SASH1: variants seen among roughly 807,000 people sequenced by gnomAD.
The protein encoded by SASH1 is SAM and SH3 domain-containing protein 1.
SASH1 carries 44 observed loss-of-function variants against 125.2 expected under a neutral mutation model. That is an observed-to-expected ratio of 0.35 (90% confidence interval 0.28 to 0.45). The LOEUF (loss-of-function observed/expected upper bound fraction) is 0.45, where lower values mean the gene tolerates loss of function less well. Ranked by LOEUF, SASH1 falls within the 20% of genes least tolerant of loss-of-function variation. The pLI is 1.00. For synonymous variants in SASH1, 639 were observed against 649.1 expected (o/e 0.98, Z 0.24); for missense variants, 1,426 against 1,614.5 (o/e 0.88, Z 2.00).
chr6:148,352,889 G>A (rs556181433), intron 1 of SASH1, among the ~76,000 whole-genome samples: 1 of 152,002 alleles, frequency 6.6e-6, no homozygotes, highest in Non-Finnish European at 1.5e-5. Context: ...AGAATTGCTT[G>A]AACCTGGGAG....
At chr6:148,375,915 G>A (rs1295623508) in intron 1 of SASH1, among the ~76,000 whole-genome samples, 1 of 152,174 alleles carries the variant, frequency 6.6e-6, no homozygotes, top group East Asian at 1.9e-4. Flanking sequence ...GCTGTGTGGT[G>A]TGATTGGCCT....
upstream of SASH1, among the ~76,000 whole-genome samples, chr6:148,271,682 A>G (rs146892543): frequency 1.9e-3 from 294 of 152,322 alleles, 2 homozygotes; most frequent in African/African-American, 6.5e-3. Flanking sequence ...AGCCTGGCAT[A>G]TCAGCCAACT....
chr6:148,237,752 T>C, the SASH1 span: 1 of 152,164 alleles, frequency 6.6e-6, no homozygotes, highest in African/African-American at 2.4e-5. Flanking sequence ...TCAGCAGACA[T>C]GGGCAAAGGG....
intron 1 of SASH1, among the ~76,000 whole-genome samples, chr6:148,318,376 T>G (rs1418998337): frequency 6.6e-6 from 1 of 152,150 alleles, no homozygotes; most frequent in Non-Finnish European, 1.5e-5. Context: ...ATAGAAAAAT[T>G]TTCAGATAGT....
chr6:148,448,326 T>C (rs1210407406), intron 4 of SASH1, among the ~76,000 whole-genome samples: 1 of 152,058 alleles, frequency 6.6e-6, no homozygotes, highest in East Asian at 1.9e-4. Context: ...TTGCCGTTCT[T>C]CCAGACTATG....
intron 4 of SASH1, among the ~76,000 whole-genome samples, chr6:148,449,186 C>T (rs1405434984): frequency 6.7e-6 from 1 of 149,986 alleles, no homozygotes; most frequent in East Asian, 2.0e-4. Flanking sequence ...TCTCCTGCCT[C>T]AGCCTCTCGA....
Position 148,534,757 on chromosome 6 carries a change from A to T in SASH1, c.1951A>T (p.Met651Leu). ...LLDRINLKEH[M>L]PTFLFNGYED... Reference sequence around the variant, plus strand: ...TTCCTTCTCCCTCTCACAGGAGCACATGCCCACTTTCCTGTTCAATGGATA... The same window carrying T: ...TTCCTTCTCCCTCTCACAGGAGCACTTGCCCACTTTCCTGTTCAATGGATA... Residue 651 changes from methionine to leucine, a missense_variant, in exon 16 of 20, where the codon ATG (methionine) becomes TTG (leucine). Coordinates refer to ENST00000367467, the MANE Select transcript of SASH1 (RefSeq NM_015278.5). The T allele has an allele frequency of 6.2e-7, 1 of 1,614,200 alleles. No homozygotes were observed. Among genetic ancestry groups the T allele is most frequent in the Non-Finnish European group, 8.5e-7 (1 of 1,180,028 alleles).
intron 1 of SASH1, among the ~76,000 whole-genome samples, chr6:148,371,424 A>ATT (rs796355261): frequency 7.8e-5 from 11 of 141,642 alleles, no homozygotes; most frequent in Middle Eastern, 7.4e-3. Context: ...ACCTAGCTAA[A>ATT]TTTTTTTTTT....
At chr6:148,282,627 G>T (rs141053813) in intron 1 of SASH1, among the ~76,000 whole-genome samples, 1 of 151,912 alleles carries the variant, frequency 6.6e-6, no homozygotes, top group Admixed American at 6.6e-5. Context: ...TGATCCCCCC[G>T]CCTCAGCCTC....
intron 8 of SASH1, chr6:148,508,886 CTGAA>C (rs1259178728): frequency 9.4e-6 from 12 of 1,274,690 alleles, no homozygotes; most frequent in Non-Finnish European, 1.2e-5. Flanking sequence ...CGGTAAGTCA[CTGAA>C]TGCGTTCAAT....
intron 4 of SASH1, among the ~76,000 whole-genome samples, chr6:148,446,879 C>G (rs2115025254): frequency 6.6e-6 from 1 of 152,188 alleles, no homozygotes; most frequent in East Asian, 1.9e-4. Flanking sequence ...CAGATTTGAT[C>G]CCAGTTAAGA....
chr6:148,521,676 A>G lies in SASH1; in HGVS notation c.1209+1783A>G, dbSNP rs75589552. 4.2e-3 allele frequency among the ~76,000 whole-genome samples: 646 copies of G among 152,358 alleles called. 4 individuals carry two copies. The highest frequency in any genetic ancestry group is 0.015 in the African/African-American group (623 of 41,578). On this transcript the variant is annotated intron_variant, in intron 10 of 19. Transcript: ENST00000367467. ...TCAATGGTTGAGTTTTTGTTTTAAA[A>G]TAACAATTCTCTTTCTCACTCATTC... is the stretch of plus-strand genomic sequence containing the variant.
chr6:148,500,154 G>A (rs1779502133), intron 8 of SASH1, among the ~76,000 whole-genome samples: 1 of 151,262 alleles, frequency 6.6e-6, no homozygotes, highest in South Asian at 2.1e-4. Context: ...CTCTGATCAC[G>A]TTCTCCATTT....
upstream of SASH1, among the ~76,000 whole-genome samples, chr6:148,270,315 A>C (rs931523871): frequency 6.6e-6 from 1 of 152,210 alleles, no homozygotes; most frequent in Non-Finnish European, 1.5e-5. Flanking sequence ...CTTACCTGCC[A>C]GCTATCAAAA....
chr6:148,368,775 C>CACACACACACACACACACACACACACAT lies in SASH1; in HGVS notation c.157-21339_157-21338insACACACATACACACACACACACACACAC, dbSNP rs1445953126. On this transcript the variant is annotated intron_variant, in intron 1 of 19. Coordinates refer to ENST00000367467, the MANE Select transcript of SASH1 (RefSeq NM_015278.5). ...ACATGCGCGCGCACGCGCGCGCACA[C>CACACACACACACACACACACACACACAT]ACACACACACACACACACACGGGGT... is the stretch of plus-strand genomic sequence containing the variant. Among the ~76,000 whole-genome samples, 4 of 151,592 alleles carry CACACACACACACACACACACACACACAT rather than the reference C, an allele frequency of 2.6e-5. 1 individual carries two copies. In the South Asian group the frequency reaches 6.3e-4, roughly 24 times the overall value.
chr6:148,481,762 C>T (rs537018262), intron 7 of SASH1, among the ~76,000 whole-genome samples: 2 of 152,144 alleles, frequency 1.3e-5, no homozygotes, highest in East Asian at 1.9e-4. Context: ...TCCAAGGTCA[C>T]GGATCACAGG....
intron 1 of SASH1, among the ~76,000 whole-genome samples, chr6:148,347,508 A>G (rs1271258939): frequency 2.0e-5 from 3 of 152,104 alleles, no homozygotes; most frequent in Non-Finnish European, 4.4e-5. Context: ...AACCCCTAAA[A>G]CAAACAAACA....
At position 148,400,659 on chromosome 6, in the gene SASH1, G is replaced by A. The variant is rs190683528; in HGVS notation, c.285+10397G>A. ...CCAGCCACTGGGAAGCCTGAAGTGGGAGGATCACTTAAACCCGGGAAGTTG... is the reference window on the plus strand; with the variant it reads ...CCAGCCACTGGGAAGCCTGAAGTGGAAGGATCACTTAAACCCGGGAAGTTG... On this transcript the variant is annotated intron_variant, in intron 2 of 19. Transcript: ENST00000367467. 4.0e-3 allele frequency among the ~76,000 whole-genome samples: 605 copies of A among 152,300 alleles called. 1 individual carries two copies. The highest frequency in any genetic ancestry group is 6.2e-3 in the South Asian group (30 of 4,830).
chr6:148,518,548 G>T (rs62432353), intron 9 of SASH1, among the ~76,000 whole-genome samples: 2 of 151,876 alleles, frequency 1.3e-5, no homozygotes, highest in Non-Finnish European at 2.9e-5. Context: ...TGGCGCCCTC[G>T]TCCCAGCTGG....
Sources: gnomAD v4.1 joint callset for allele counts (sites outside exome capture counted in the v4.1 genomes callset) on GRCh38, gnomAD v4.1.1 for gene constraint, MANE v1.5 for transcripts, NCBI Gene and HGNC (gene_info 2026-07-23, HGNC 2026-07-21) for gene names.